Variants in MRPS33 observed in about 807,000 individuals in gnomAD.
MRPS33 encodes mitochondrial ribosomal protein S33.
A neutral mutation model predicts 11.2 loss-of-function variants in MRPS33; 11 were observed. The observed-to-expected ratio is 0.99, with a 90% CI of 0.62 to 1.63. The LOEUF (loss-of-function observed/expected upper bound fraction) is 1.63, where lower values mean the gene tolerates loss of function less well. Among genes scored for constraint, MRPS33 ranks in the 40% most tolerant of loss-of-function variants. MRPS33 has a pLI of 0.00. For missense variants in MRPS33, 109 were observed against 127.8 expected (o/e 0.85, Z 0.71); for synonymous variants, 46 against 44.0 (o/e 1.05, Z -0.18).
At position 141,004,654 on chromosome 7, in the gene MRPS33, TTAA is replaced by T. The variant is rs1820480403; in HGVS notation, c.*1773_*1775del. Reference sequence around the variant, plus strand: ...GTACACTTAAATATGGTTAAGATCATTAATTTTATGTTTTTACTACAATAATAA... The same window carrying T: ...GTACACTTAAATATGGTTAAGATCATTTTTATGTTTTTACTACAATAATAA... On this transcript the variant is annotated 3_prime_UTR_variant, in exon 3 of 3. Coordinates refer to ENST00000324787, the MANE Select transcript of MRPS33 (RefSeq NM_053035.3). 1 of 152,254 alleles carries T rather than the reference TTAA, an allele frequency of 6.6e-6. No individual in the cohort carries two copies. Among genetic ancestry groups the T allele is most frequent in the African/African-American group, 2.4e-5 (1 of 41,466 alleles). The allele number at this position is 152,254 out of a possible 1,614,324, so 9.4% of individuals were successfully genotyped here.
Position 141,008,257 on chromosome 7 carries a change from TCAAA to T in MRPS33, c.216-1726_216-1723del, listed in dbSNP as rs373279683. On this transcript the variant is annotated intron_variant, in intron 2 of 2. Coordinates refer to ENST00000324787, the MANE Select transcript of MRPS33 (RefSeq NM_053035.3). Reference sequence around the variant, plus strand: ...CCAAAGATAGTTAAGTCTTTATTTTTCAAACAAACAGACAGCAGCAGCAAAAAGA... The same window carrying T: ...CCAAAGATAGTTAAGTCTTTATTTTTCAAACAGACAGCAGCAGCAAAAAGA... 2.2e-3 allele frequency among the ~76,000 whole-genome samples: 334 copies of T among 152,338 alleles called. 3 individuals carry two copies. Among genetic ancestry groups the T allele is most frequent in the African/African-American group, 6.6e-3 (276 of 41,580 alleles).
chr7:141,005,499 G>T lies in MRPS33; in HGVS notation c.*931C>A. On this transcript the variant is annotated 3_prime_UTR_variant, in exon 3 of 3. Transcript: ENST00000324787. ...ATCCCGAGTAGCTGAGACTACAGGT[G>T]CATGCCACGACGCCCAGCTAATTTT... 6.6e-6 allele frequency: 1 copy of T among 152,200 alleles called. No homozygotes were observed. Among genetic ancestry groups the T allele is most frequent in the Non-Finnish European group, 1.5e-5 (1 of 68,088 alleles). 9.4% of individuals were successfully genotyped at this position (152,200 alleles called of 1,614,324 possible).
Position 141,006,160 on chromosome 7 carries a change from A to G in MRPS33, c.*270T>C. The G allele has an allele frequency of 2.3e-6, 1 of 439,262 alleles. No individual in the cohort carries two copies. The highest frequency in any genetic ancestry group is 4.1e-6 in the Non-Finnish European group (1 of 243,866). 27.2% of individuals were successfully genotyped at this position (439,262 alleles called of 1,614,324 possible). ...CATCCCATCCCACCCCAAACAAATC[A>G]TCAAACAATAACTTAGGTATTTATT... On this transcript the variant is annotated 3_prime_UTR_variant, in exon 3 of 3. Transcript: ENST00000324787.
At chr7:141,010,238 T>A in intron 2 of MRPS33, 181 bp downstream of exon 2, 1 of 595,868 alleles carries the variant, frequency 1.7e-6, no homozygotes, top group South Asian at 2.2e-5. Context: ...TTTCCTTTTT[T>A]TTTTTGGTCT....
chr7:141,012,861 T>C (rs1232097193), intron 1 of MRPS33, among the ~76,000 whole-genome samples: 1 of 152,150 alleles, frequency 6.6e-6, no homozygotes, highest in African/African-American at 2.4e-5. Flanking sequence ...AATCCTTGGG[T>C]TATTGTGAAC....
intron 1 of MRPS33, among the ~76,000 whole-genome samples, chr7:141,012,193 A>AAAAAAAAAAAAAAC (rs1218230899): frequency 1.3e-5 from 2 of 148,614 alleles, no homozygotes; most frequent in African/African-American, 2.5e-5. Flanking sequence ...AAAAAAAAAA[A>AAAAAAAAAAAAAAC]AGCAGAGGCT....
At chr7:141,009,818 T>C (rs1429344728) in intron 2 of MRPS33, 1 of 151,826 alleles carries the variant, frequency 6.6e-6, no homozygotes, top group East Asian at 1.9e-4. Context: ...TTTTTTTTTT[T>C]TCTCGAGATG....
intron 1 of MRPS33, among the ~76,000 whole-genome samples, chr7:141,011,980 T>A (rs1204456293): frequency 1.2e-5 from 1 of 86,182 alleles, no homozygotes; most frequent in Non-Finnish European, 2.3e-5. Flanking sequence ...AAATCTTGTT[T>A]TTACAGAAAA....
Position 141,004,498 on chromosome 7 carries a change from A to C in MRPS33, c.*1932T>G, listed in dbSNP as rs1820476916. On this transcript the variant is annotated 3_prime_UTR_variant, in exon 3 of 3. Coordinates refer to ENST00000324787, the MANE Select transcript of MRPS33 (RefSeq NM_053035.3). Reference sequence around the variant, plus strand: ...TGGGAATCTTTCTACTTCAGGAATCATTGAGTGTTACAGAGAAAGAAAACT... The same window carrying C: ...TGGGAATCTTTCTACTTCAGGAATCCTTGAGTGTTACAGAGAAAGAAAACT... 1 of 152,226 alleles carries C rather than the reference A, an allele frequency of 6.6e-6. No homozygotes were observed. Among genetic ancestry groups the C allele is most frequent in the Non-Finnish European group, 1.5e-5 (1 of 68,034 alleles). The allele number at this position is 152,226 out of a possible 1,614,324, so 9.4% of individuals were successfully genotyped here. A position where few individuals can be genotyped will look rare whatever the true frequency, so the allele number is the denominator to read the frequency against.
rs568047929 is a variant in MRPS33, at chr7:141,005,712, A to C, written c.*718T>G. 4 of 152,332 alleles carry C rather than the reference A, an allele frequency of 2.6e-5. No individual in the cohort carries two copies. The highest frequency in any genetic ancestry group is 2.1e-4 in the South Asian group (1 of 4,828). 9.4% of individuals were successfully genotyped at this position (152,332 alleles called of 1,614,324 possible). ...CCTAATGTGATTTGGGCTTCTGGCT[A>C]TCTCTCTCTGCATTCATCCATCCAT... On this transcript the variant is annotated 3_prime_UTR_variant, in exon 3 of 3. Transcript: ENST00000324787.
rs1820443744 is a variant in MRPS33, at chr7:141,003,049, T to C, written c.*3381A>G. 1 of 152,236 alleles carries C rather than the reference T, an allele frequency of 6.6e-6. No individual in the cohort carries two copies. The highest frequency in any genetic ancestry group is 2.1e-4 in the South Asian group (1 of 4,830). 9.4% of individuals were successfully genotyped at this position (152,236 alleles called of 1,614,324 possible). Reference sequence around the variant, plus strand: ...AAGAGGTTCAGAGAAGTAACTGACGTCACATAATCAGTAAGTACACTGTAT... The same window carrying C: ...AAGAGGTTCAGAGAAGTAACTGACGCCACATAATCAGTAAGTACACTGTAT... On this transcript the variant is annotated 3_prime_UTR_variant, in exon 3 of 3. Coordinates refer to ENST00000324787, the MANE Select transcript of MRPS33 (RefSeq NM_053035.3).
chr7:141,010,280 C>T, intron 2 of MRPS33, 139 bp downstream of exon 2: 6 of 729,826 alleles, frequency 8.2e-6, no homozygotes, highest in East Asian at 2.8e-5. Context: ...AGAAGACTTT[C>T]TCCTGCCAAC....
intron 1 of MRPS33, among the ~76,000 whole-genome samples, chr7:141,011,619 G>A (rs1820675527): frequency 6.6e-6 from 1 of 152,090 alleles, no homozygotes; most frequent in African/African-American, 2.4e-5. Flanking sequence ...AGAAATTTTA[G>A]TAGTGAGATG....
At chr7:141,012,167 G>C (rs1156378826) in intron 1 of MRPS33, among the ~76,000 whole-genome samples, 2 of 7,094 alleles carry the variant, frequency 2.8e-4, no homozygotes, top group Admixed American at 5.8e-3. Flanking sequence ...GAGCAAGATT[G>C]TGTGTCAAAA....
At position 141,014,907 on chromosome 7, in the gene MRPS33, T is replaced by G. The variant is rs1453614741; in HGVS notation, c.-28+4A>C. On this transcript the variant is annotated splice_donor_region_variant and intron_variant, in intron 1 of 2. Coordinates refer to ENST00000324787, the MANE Select transcript of MRPS33 (RefSeq NM_053035.3). ...CAGACCCCCAAAGTCACCGACAGCC[T>G]TACCTAGACCTGACCTTCCTCACCC... 1 of 152,568 alleles carries G rather than the reference T, an allele frequency of 6.6e-6. No individual in the cohort carries two copies. The highest frequency in any genetic ancestry group is 1.5e-5 in the Non-Finnish European group (1 of 68,400). The allele number at this position is 152,568 out of a possible 1,614,324, so 9.5% of individuals were successfully genotyped here.
intron 2 of MRPS33, among the ~76,000 whole-genome samples, chr7:141,008,914 C>T (rs1003158111): frequency 5.3e-5 from 8 of 151,958 alleles, no homozygotes; most frequent in African/African-American, 1.9e-4. Flanking sequence ...CCTGCCTCAG[C>T]CTCCCAAGTA....
At chr7:141,009,384 G>A (rs38736) in intron 2 of MRPS33, among the ~76,000 whole-genome samples, 9,667 of 151,720 alleles carry the variant, frequency 0.064, 329 homozygotes, top group Middle Eastern at 0.11. Flanking sequence ...TGTCTGCCTC[G>A]GCCTCCCAAA....
At chr7:141,007,918 T>A (rs1820573352) in intron 2 of MRPS33, among the ~76,000 whole-genome samples, 1 of 142,274 alleles carries the variant, frequency 7.0e-6, no homozygotes, top group Non-Finnish European at 1.6e-5. Flanking sequence ...AATTTACTTA[T>A]TTTTTTTCCC....
In MRPS33 at chr7:141,010,615, A is replaced by G. The variant is rs762659384; in HGVS notation, c.19T>C (p.Tyr7His). ...CTGAGACGAGACATGCGGAAGGCAT[A>G]TTCTGAAAGGGAGGACATTTCTTGA... Reference protein sequence around the residue: MSSLSEYAFRMSRLSAR... With the variant: MSSLSEHAFRMSRLSAR... The change falls in exon 2 of 3, where the codon TAT becomes CAT. Residue 7 changes from tyrosine to histidine, a missense_variant. Transcript: ENST00000324787. 1 of 1,614,222 alleles carries G rather than the reference A, an allele frequency of 6.2e-7. No individual in the cohort carries two copies. The highest frequency in any genetic ancestry group is 8.5e-7 in the Non-Finnish European group (1 of 1,180,024).
Sources: allele counts gnomAD v4.1 joint callset (sites outside exome capture counted in the v4.1 genomes callset), GRCh38; gene constraint gnomAD v4.1.1; transcripts MANE v1.5; gene names NCBI Gene and HGNC (gene_info 2026-07-23, HGNC 2026-07-21).